Variants in DOCK8 observed in about 807,000 individuals in gnomAD.
The protein encoded by DOCK8 is dedicator of cytokinesis protein 8.
A neutral mutation model predicts 245.6 loss-of-function variants in DOCK8; 141 were observed. The ratio of observed to expected loss-of-function variants is 0.57; its 90% confidence interval spans 0.50 to 0.66. The LOEUF is 0.66. Among genes scored for constraint, DOCK8 ranks in the 30% least tolerant of loss-of-function variants. The pLI, the probability that DOCK8 is intolerant of heterozygous loss-of-function variation, is 0.00. For synonymous variants in DOCK8, 1,168 were observed against 970.2 expected, an observed-to-expected ratio of 1.20 and a Z score of -3.79; for missense variants, 2,965 against 2,603.4, an observed-to-expected ratio of 1.14 and a Z score of -3.02.
At chr9:306,006 A>G (rs1269018631) in intron 5 of DOCK8, among the ~76,000 whole-genome samples, 1 of 152,190 alleles carries the variant, frequency 6.6e-6, no homozygotes, top group Non-Finnish European at 1.5e-5. Context: ...ATGGAGATGG[A>G]TGCTGGTGAT....
At chr9:266,134 AAAATCTGGCTCAG>A (rs1247096215) in intron 1 of DOCK8, among the ~76,000 whole-genome samples, 2 of 152,224 alleles carry the variant, frequency 1.3e-5, no homozygotes, top group Admixed American at 6.5e-5. Context: ...TTTTTTTCTC[AAAATCTGGCTCAG>A]AAATCTTGTT....
At chr9:449,302 A>G (rs2057359002) in intron 44 of DOCK8, among the ~76,000 whole-genome samples, 2 of 152,310 alleles carry the variant, frequency 1.3e-5, no homozygotes, top group South Asian at 4.1e-4. Context: ...GTGAGCCAAG[A>G]TCATGCCATT....
At chr9:391,419 C>G (rs148337485) in intron 24 of DOCK8, among the ~76,000 whole-genome samples, 8 of 152,196 alleles carry the variant, frequency 5.3e-5, no homozygotes, top group African/African-American at 1.9e-4. Context: ...CTGCTTGGTA[C>G]CATGCAAGGC....
intron 1 of DOCK8, among the ~76,000 whole-genome samples, chr9:223,443 G>T (rs899433452): frequency 2.0e-5 from 3 of 152,080 alleles, no homozygotes; most frequent in Non-Finnish European, 4.4e-5. Context: ...TTGAGAGCTG[G>T]AAAAAGAAAG....
chr9:306,832 C>T (rs567054408), intron 5 of DOCK8, among the ~76,000 whole-genome samples: 2 of 152,106 alleles, frequency 1.3e-5, no homozygotes, highest in African/African-American at 2.4e-5. Context: ...GTTGTCAGAA[C>T]GTAGAAGCTC....
intron 1 of DOCK8, among the ~76,000 whole-genome samples, chr9:227,158 A>T (rs2131359468): frequency 6.6e-6 from 1 of 152,310 alleles, no homozygotes; most frequent in South Asian, 2.1e-4. Flanking sequence ...TCCTCAAAGG[A>T]TGCTTTTGTA....
chr9:237,463 T>G (rs1357761694), intron 1 of DOCK8, among the ~76,000 whole-genome samples: 2 of 152,218 alleles, frequency 1.3e-5, no homozygotes, highest in Admixed American at 6.5e-5. Context: ...AAGACCAGCC[T>G]GGGCAAAGTG....
chr9:225,360 A>T (rs2046968772), intron 1 of DOCK8, among the ~76,000 whole-genome samples: 1 of 152,184 alleles, frequency 6.6e-6, no homozygotes. Context: ...AGATGAAACA[A>T]ACCTGGTGGG....
At chr9:268,764 T>G (rs2048091208) in intron 1 of DOCK8, among the ~76,000 whole-genome samples, 1 of 152,214 alleles carries the variant, frequency 6.6e-6, no homozygotes, top group Non-Finnish European at 1.5e-5. Context: ...GTGTTGGCCC[T>G]CCATGGCTTA....
intron 14 of DOCK8, among the ~76,000 whole-genome samples, chr9:367,498 A>G (rs950932875): frequency 6.8e-6 from 1 of 147,240 alleles, no homozygotes; most frequent in Non-Finnish European, 1.5e-5. Flanking sequence ...TATTATTCTT[A>G]TTGTTGTTGT....
intron 12 of DOCK8, among the ~76,000 whole-genome samples, chr9:337,696 G>C (rs917589823): frequency 1.3e-5 from 2 of 152,182 alleles, no homozygotes; most frequent in Non-Finnish European, 2.9e-5. Context: ...ACGGTATAGA[G>C]ACAGAAAGTA....
Position 242,633 on chromosome 9 carries a change from G to A in DOCK8, c.53+27604G>A, listed in dbSNP as rs140514626. On this transcript the variant is annotated intron_variant, in intron 1 of 47. Coordinates refer to ENST00000432829, the MANE Select transcript of DOCK8 (RefSeq NM_203447.4). ...AGATATGGAAACTGAAACTGAGTACGGTTATGCAGTATGTGAGGGGCAATG... is the reference window on the plus strand; with the variant it reads ...AGATATGGAAACTGAAACTGAGTACAGTTATGCAGTATGTGAGGGGCAATG... Among the ~76,000 whole-genome samples, 1,049 of 152,260 alleles carry A rather than the reference G, an allele frequency of 6.9e-3. 9 individuals are homozygous for A. The highest frequency in any genetic ancestry group is 0.041 in the Middle Eastern group (12 of 294).
chr9:454,079 A>G (rs912854938), intron 46 of DOCK8, among the ~76,000 whole-genome samples: 1 of 152,270 alleles, frequency 6.6e-6, no homozygotes, highest in African/African-American at 2.4e-5. Flanking sequence ...TATAAAGATC[A>G]GAAAAGAGAA....
At chr9:426,412 G>C (rs931622901) in intron 33 of DOCK8, among the ~76,000 whole-genome samples, 1 of 152,188 alleles carries the variant, frequency 6.6e-6, no homozygotes, top group Non-Finnish European at 1.5e-5. Context: ...TGGCTCTGAA[G>C]CTCCACCCTT....
intron 1 of DOCK8, among the ~76,000 whole-genome samples, chr9:233,268 G>C (rs962673217): frequency 1.3e-5 from 2 of 151,912 alleles, no homozygotes; most frequent in Admixed American, 6.6e-5. Flanking sequence ...GAGACAGTTT[G>C]TTATAATTTC....
intron 14 of DOCK8, among the ~76,000 whole-genome samples, chr9:345,815 C>T (rs962711495): frequency 6.6e-5 from 10 of 152,110 alleles, no homozygotes; most frequent in African/African-American, 2.4e-4. Context: ...TGTGCTGCCC[C>T]GTGTCTCTAC....
chr9:336,697 C>A lies in DOCK8; in HGVS notation c.1401C>A (p.Ser467Arg), dbSNP rs767468728. The A allele has an allele frequency of 6.2e-7, 1 of 1,613,868 alleles. No homozygotes were observed. Among genetic ancestry groups the A allele is most frequent in the African/African-American group, 1.3e-5 (1 of 74,878 alleles). Reference protein sequence around the residue: ...VGSNFKTSTLSVSSFFKQEGD... With the variant: ...VGSNFKTSTLRVSSFFKQEGD... ...CCAACTTCAAAACCTCCACTCTGAG[C>A]GTTAGCAGCTTTTTCAAGCAGGTAT... is the stretch of plus-strand genomic sequence containing the variant. The change falls in exon 12 of 48, where the codon AGC (serine) becomes AGA (arginine). Residue 467 changes from serine to arginine, a missense_variant. Ser to Arg is a moderately radical substitution (Grantham distance 110, BLOSUM62 -1). This residue lies in a region of DOCK8 where 2,825 missense variants were observed against 2,453.5 expected (regional missense o/e 1.15). Transcript: ENST00000432829.
chr9:239,061 T>G (rs897238078), intron 1 of DOCK8, among the ~76,000 whole-genome samples: 4 of 152,216 alleles, frequency 2.6e-5, no homozygotes, highest in African/African-American at 9.7e-5. Context: ...ACATGCACAC[T>G]CCACACAGAC....
At chr9:410,915 A>G (rs1028080782) in intron 28 of DOCK8, among the ~76,000 whole-genome samples, 2 of 152,226 alleles carry the variant, frequency 1.3e-5, no homozygotes, top group African/African-American at 4.8e-5. Flanking sequence ...ACCTTACAGA[A>G]ATAAAAAGGA....
Sources: allele counts gnomAD v4.1 joint callset (sites outside exome capture counted in the v4.1 genomes callset), GRCh38; gene constraint gnomAD v4.1.1; regional missense constraint gnomAD v4.1.1; transcripts MANE v1.5; gene names NCBI Gene and HGNC (gene_info 2026-07-23, HGNC 2026-07-21).